The following CNGB3 variants were observed in gnomAD, a reference collection of about 807,000 sequenced individuals.
The protein encoded by CNGB3 is cyclic nucleotide gated channel subunit beta 3, also known as cyclic nucleotide-gated channel beta-3.
A neutral mutation model predicts 92.8 loss-of-function variants in CNGB3; 86 were observed. The observed-to-expected ratio is 0.93, with a 90% CI of 0.78 to 1.11. CNGB3 has a LOEUF of 1.11. Among genes scored for constraint, CNGB3 ranks in the 50% least tolerant of loss-of-function variants. The pLI is 0.00. For missense variants in CNGB3, 1,026 were observed against 956.8 expected (o/e 1.07, Z -0.95); for synonymous variants, 333 against 332.7 (o/e 1.00, Z -0.01).
At chr8:86,663,125 T>C (rs1465259036) in intron 6 of CNGB3, among the ~76,000 whole-genome samples, 1 of 152,066 alleles carries the variant, frequency 6.6e-6, no homozygotes, top group Admixed American at 6.6e-5. Flanking sequence ...AAGGGAGTGG[T>C]TTTCTTCAGA....
intron 6 of CNGB3, among the ~76,000 whole-genome samples, chr8:86,662,317 A>G (rs1025688713): frequency 6.6e-6 from 1 of 152,132 alleles, no homozygotes; most frequent in African/African-American, 2.4e-5. Context: ...TCATTCATTC[A>G]CTCCTTCAAA....
chr8:86,615,193 C>A (rs976664562), intron 13 of CNGB3, among the ~76,000 whole-genome samples: 4 of 151,972 alleles, frequency 2.6e-5, no homozygotes, highest in Non-Finnish European at 4.4e-5. Flanking sequence ...CTGTGGATAC[C>A]ATGGGGTAGA....
intron 3 of CNGB3, among the ~76,000 whole-genome samples, chr8:86,725,391 T>C (rs188523739): frequency 3.3e-5 from 5 of 152,332 alleles, no homozygotes; most frequent in East Asian, 1.9e-4. Context: ...AAAATAATTC[T>C]GTAAACAACA....
At chr8:86,687,427 T>C (rs1824210064) in intron 3 of CNGB3, among the ~76,000 whole-genome samples, 1 of 151,876 alleles carries the variant, frequency 6.6e-6, no homozygotes, top group Admixed American at 6.6e-5. Context: ...TGAAAGAAGC[T>C]AGACACAAAA....
chr8:86,658,858 G>T, intron 6 of CNGB3: 1 of 668,390 alleles, frequency 1.5e-6, no homozygotes. Context: ...ATGGTCTCCA[G>T]GGTTTGCCTG....
intron 3 of CNGB3, among the ~76,000 whole-genome samples, chr8:86,714,500 G>T (rs1200169714): frequency 6.6e-6 from 1 of 152,154 alleles, no homozygotes; most frequent in African/African-American, 2.4e-5. Context: ...ATGAATTGAT[G>T]GGGATTGTGG....
At chr8:86,592,161 C>T (rs1478258712) in intron 15 of CNGB3, among the ~76,000 whole-genome samples, 13 of 152,206 alleles carry the variant, frequency 8.5e-5, no homozygotes, top group South Asian at 4.1e-4. Context: ...TAACCCCTTG[C>T]GCTTCCCGAG....
intron 3 of CNGB3, among the ~76,000 whole-genome samples, chr8:86,679,424 C>T (rs868473849): frequency 3.3e-5 from 5 of 152,144 alleles, no homozygotes; most frequent in African/African-American, 9.7e-5. Context: ...TTTGGAGACA[C>T]GACCTATGGG....
intron 15 of CNGB3, among the ~76,000 whole-genome samples, chr8:86,596,033 A>G (rs1822165121): frequency 1.3e-5 from 2 of 152,204 alleles, no homozygotes; most frequent in South Asian, 4.1e-4. Flanking sequence ...CTACTCAATA[A>G]CTTGTTATCT....
At chr8:86,696,540 T>C (rs568120328) in intron 3 of CNGB3, among the ~76,000 whole-genome samples, 1 of 152,342 alleles carries the variant, frequency 6.6e-6, no homozygotes, top group South Asian at 2.1e-4. Context: ...GGAGCAAAAG[T>C]TCATAATGTG....
At chr8:86,694,071 G>T (rs1162271004) in intron 3 of CNGB3, among the ~76,000 whole-genome samples, 2 of 1,970 alleles carry the variant, frequency 1.0e-3, no homozygotes, top group African/African-American at 3.2e-3. Context: ...TGGCCGGGCG[G>T]GGGGGCTGAC....
At chr8:86,579,040 CCTAT>C (rs1286751917) in intron 16 of CNGB3, 62 bp downstream of exon 16, 1 of 1,595,318 alleles carries the variant, frequency 6.3e-7, no homozygotes, top group Non-Finnish European at 8.6e-7. Context: ...TACGGTTCTC[CCTAT>C]CTCAGAGTTT....
chr8:86,586,775 T>C (rs1821903193), intron 15 of CNGB3, among the ~76,000 whole-genome samples: 1 of 147,280 alleles, frequency 6.8e-6, no homozygotes, highest in African/African-American at 2.6e-5. Context: ...TTTGCTATTG[T>C]GAATAGTGCC....
intron 6 of CNGB3, chr8:86,657,338 C>G (rs1585996904): frequency 2.4e-6 from 1 of 422,330 alleles, no homozygotes; most frequent in East Asian, 6.2e-5. Flanking sequence ...GGGATGGAGC[C>G]TCTGGCCCCA....
At chr8:86,581,299 C>T (rs1246806443) in intron 15 of CNGB3, among the ~76,000 whole-genome samples, 1 of 152,116 alleles carries the variant, frequency 6.6e-6, no homozygotes. Context: ...CTTAAATGCT[C>T]ATTTTAATAA....
rs1330945338 is a variant in CNGB3, at chr8:86,734,995, A to AGAGTTGTGATT, written c.211+4649_211+4659dup. 2.0e-5 allele frequency among the ~76,000 whole-genome samples: 3 copies of AGAGTTGTGATT among 146,860 alleles called. No individual in the cohort carries two copies. In the East Asian group the frequency reaches 6.0e-4, roughly 29 times the overall value. The stretch of plus-strand genomic sequence containing the variant: ...CTCAACTAAAGAGTTAGAAAGTAGC[A>AGAGTTGTGATT]GAGTTGTGATTTGAATTCGGGCATG... On this transcript the variant is annotated intron_variant, in intron 2 of 17. Coordinates refer to ENST00000320005, the MANE Select transcript of CNGB3 (RefSeq NM_019098.5).
At chr8:86,656,549 A>C (rs79899506) in intron 6 of CNGB3, among the ~76,000 whole-genome samples, 1,710 of 152,304 alleles carry the variant, frequency 0.011, 26 homozygotes, top group African/African-American at 0.036. Context: ...CCACTTAATT[A>C]TCTCTCCCTC....
intron 15 of CNGB3, among the ~76,000 whole-genome samples, chr8:86,591,206 C>T (rs1300893979): frequency 7.0e-6 from 1 of 143,118 alleles, no homozygotes; most frequent in Non-Finnish European, 1.5e-5. Flanking sequence ...CCTTTAAGCA[C>T]TTTTCTGTAT....
chr8:86,610,601 A>G (rs1822499125), intron 14 of CNGB3, among the ~76,000 whole-genome samples: 1 of 151,650 alleles, frequency 6.6e-6, no homozygotes, highest in Non-Finnish European at 1.5e-5. Flanking sequence ...AGCATTTAAC[A>G]CATTATTTTG....
Sources: allele counts gnomAD v4.1 joint callset (sites outside exome capture counted in the v4.1 genomes callset), GRCh38; gene constraint gnomAD v4.1.1; transcripts MANE v1.5; gene names NCBI Gene and HGNC (gene_info 2026-07-23, HGNC 2026-07-21).